CELSR1: variants seen among roughly 807,000 people sequenced by gnomAD.
CELSR1 encodes the protein adhesion G protein-coupled receptor C1.
Under a neutral mutation model 249.1 loss-of-function variants are expected in CELSR1, and 110 were observed. The ratio of observed to expected loss-of-function variants is 0.44; its 90% CI spans 0.38 to 0.52. CELSR1 has a LOEUF of 0.52. Ranked by LOEUF, CELSR1 falls within the 20% of genes least tolerant of loss-of-function variation. The pLI is 0.00. For missense variants in CELSR1, 4,109 were observed against 4,296.4 expected (o/e 0.96, Z 1.22); for synonymous variants, 2,113 against 1,900.0 (o/e 1.11, Z -2.92).
At chr22:46,400,054 G>A (rs1159966689) in intron 9 of CELSR1, 152 bp from the exon 10 acceptor site, 1 of 762,576 alleles carries the variant, frequency 1.3e-6, no homozygotes, top group Non-Finnish European at 2.1e-6. Flanking sequence ...AGTTGGCCAG[G>A]TGCGGTGGCT....
At chr22:46,420,331 C>T (rs2079454082) in intron 5 of CELSR1, among the ~76,000 whole-genome samples, 1 of 151,892 alleles carries the variant, frequency 6.6e-6, no homozygotes, top group South Asian at 2.1e-4. Context: ...CTCACCCACT[C>T]GTGCACTCAT....
At position 46,387,655 on chromosome 22, in the gene CELSR1, G is replaced by A. The variant is rs191893658; in HGVS notation, c.6556-1070C>T. On this transcript the variant is annotated intron_variant, in intron 18 of 34. Coordinates refer to ENST00000674500, the MANE Select transcript of CELSR1 (RefSeq NM_001378328.1). ...ATTACAGGCGTGAGCGACCGCGCCC[G>A]GCCAGAAGTCATTTTTTAATGTGTG... Among the ~76,000 whole-genome samples the A allele has an allele frequency of 9.9e-5, 15 of 152,190 alleles. No homozygotes were observed. In the East Asian group the frequency reaches 2.9e-3, roughly 29 times the overall value.
chr22:46,419,871 G>A (rs1011514858), intron 5 of CELSR1, among the ~76,000 whole-genome samples: 1 of 151,370 alleles, frequency 6.6e-6, no homozygotes, highest in Admixed American at 6.6e-5. Context: ...ACCCACATGT[G>A]CACTCCCACA....
Position 46,437,707 on chromosome 22 carries a change from T to C in CELSR1, c.4407-1418A>G, listed in dbSNP as rs1447963049. Among the ~76,000 whole-genome samples, 3 of 146,422 alleles carry C rather than the reference T, an allele frequency of 2.0e-5. No individual in the cohort carries two copies. Among genetic ancestry groups the C allele is most frequent in the Non-Finnish European group, 3.0e-5 (2 of 67,308 alleles). Reference sequence around the variant, plus strand: ...CGGAAGTTGCAGTGAGCCGAGATCATACCACCACTGCACTCCAGCCTGGCA... The same window carrying C: ...CGGAAGTTGCAGTGAGCCGAGATCACACCACCACTGCACTCCAGCCTGGCA... On this transcript the variant is annotated intron_variant, in intron 3 of 34. Transcript: ENST00000674500. The surrounding 1 kb of genome is among the most constrained non-coding windows in gnomAD (Gnocchi z 4.9).
chr22:46,448,283 G>A lies in CELSR1; in HGVS notation c.4184-8872C>T, dbSNP rs1363351237. ...CAAGCCCAGGGAAGACAGAGGGCAT[G>A]GGGGTGGGGGCAGAGGGCCCACGCG... On this transcript the variant is annotated intron_variant, in intron 2 of 34. Transcript: ENST00000674500. The surrounding 1 kb of genome is among the most constrained non-coding windows in gnomAD (Gnocchi z 5.7). Among the ~76,000 whole-genome samples the A allele has an allele frequency of 6.6e-6, 1 of 152,210 alleles. No homozygotes were observed. Among genetic ancestry groups the A allele is most frequent in the Non-Finnish European group, 1.5e-5 (1 of 68,038 alleles).
In CELSR1 at chr22:46,534,558, C is replaced by G; in HGVS notation, c.2613G>C (p.Gln871His). Residue 871 changes from glutamine (Q) to histidine (H), a missense_variant, in exon 1 of 35, where the codon CAG (glutamine) becomes CAC (histidine). Physicochemically the swap from Gln to His is conservative, Grantham distance 24. Transcript: ENST00000674500. This position sits in a 1 kb window ranked among gnomAD's most constrained non-coding sequence, Gnocchi z 9.7. ...TIMAQDNGIP[Q>H]KSDTTTLEIL... ...TCTCTAGGGTGGTGGTGTCTGATTT[C>G]TGCGGGATGCCGTTGTCCTGGGCCA... 1 of 1,613,724 alleles carries G rather than the reference C, an allele frequency of 6.2e-7. No homozygotes were observed. The highest frequency in any genetic ancestry group is 1.1e-5 in the South Asian group (1 of 91,086).
intron 22 of CELSR1, 58 bp from the exon 23 acceptor site, chr22:46,378,775 G>A: frequency 1.3e-6 from 2 of 1,570,062 alleles, no homozygotes; most frequent in East Asian, 2.3e-5. Context: ...CCATGAGTCT[G>A]TAAAGGGCAG....
chr22:46,368,137 G>A (rs1178035181), intron 27 of CELSR1, among the ~76,000 whole-genome samples: 1 of 152,172 alleles, frequency 6.6e-6, no homozygotes, highest in Non-Finnish European at 1.5e-5. Context: ...CCAGGCCAAG[G>A]GGCCTGAGCC....
intron 2 of CELSR1, among the ~76,000 whole-genome samples, chr22:46,459,558 C>T (rs1437060864): frequency 6.6e-6 from 1 of 152,186 alleles, no homozygotes; most frequent in Non-Finnish European, 1.5e-5. Context: ...GGGTTTGAAT[C>T]CTGACCCCAC....
intron 27 of CELSR1, 24 bp from the exon 28 acceptor site, chr22:46,367,879 T>C (rs528988424): frequency 1.3e-6 from 2 of 1,598,714 alleles, no homozygotes; most frequent in African/African-American, 1.3e-5. Flanking sequence ...GGATCAGGCC[T>C]GTGCCCATCG....
In CELSR1 at chr22:46,484,871, GA is replaced by G. The variant is rs1332138421; in HGVS notation, c.3545-20527del. On this transcript the variant is annotated intron_variant, in intron 1 of 34. Coordinates refer to ENST00000674500, the MANE Select transcript of CELSR1 (RefSeq NM_001378328.1). This position sits in a 1 kb window ranked among gnomAD's most constrained non-coding sequence, Gnocchi z 4.5. ...GGCGAGCAAATCATTTTCTTTGGGG[GA>G]AAAGATCAAATATTGGCCCAGACGT... Among the ~76,000 whole-genome samples the G allele has an allele frequency of 6.6e-6, 1 of 150,806 alleles. No individual in the cohort carries two copies. The highest frequency in any genetic ancestry group is 2.4e-5 in the African/African-American group (1 of 41,026).
In CELSR1 at chr22:46,367,811, G is replaced by A; in HGVS notation, c.7997C>T (p.Ala2666Val). 1.2e-6 allele frequency: 2 copies of A among 1,611,834 alleles called. No individual in the cohort carries two copies. Among genetic ancestry groups the A allele is most frequent in the Non-Finnish European group, 1.7e-6 (2 of 1,179,740 alleles). ...AGCCAGCAGCCCCAGCAGCCAGGTG[G>A]CGCTGATGAGCAGCAGCAGGAGGAA... ...TAFLLLLLISATWLLGLLAVN... is the reference protein window; with the variant it reads ...TAFLLLLLISVTWLLGLLAVN... Residue 2666 changes from alanine (A) to valine (V), a missense_variant, in exon 28 of 35, where the codon GCC (alanine) becomes GTC (valine). This residue lies in a region of CELSR1 where 1,805 missense variants were observed against 1,831.6 expected (regional missense o/e 0.99). Transcript: ENST00000674500.
chr22:46,462,779 G>C (rs542601857), intron 2 of CELSR1: 6 of 337,590 alleles, frequency 1.8e-5, no homozygotes, highest in Non-Finnish European at 3.0e-5. Context: ...GAGAATGTGT[G>C]TTTCTGTACC....
rs12628968 is a variant in CELSR1 at position 46,435,037 on chromosome 22, G to A, written c.4522+1137C>T. ...ACAAAAAAAAAAGTCATGTGTGCCA[G>A]AAAAACACAGATATACCTGTTGGCA... is the stretch of plus-strand genomic sequence containing the variant. On this transcript the variant is annotated intron_variant, in intron 4 of 34. Coordinates refer to ENST00000674500, the MANE Select transcript of CELSR1 (RefSeq NM_001378328.1). Among the ~76,000 whole-genome samples, 384 of 152,012 alleles carry A rather than the reference G, an allele frequency of 2.5e-3. 4 individuals carry two copies. The highest frequency in any genetic ancestry group is 5.6e-3 in the East Asian group (29 of 5,178).
chr22:46,457,452 A>G (rs1192807366), intron 2 of CELSR1, among the ~76,000 whole-genome samples: 1 of 152,140 alleles, frequency 6.6e-6, no homozygotes, highest in Non-Finnish European at 1.5e-5. Context: ...CGCACACAGG[A>G]GGGGCACCCA....
intron 1 of CELSR1, among the ~76,000 whole-genome samples, chr22:46,522,131 A>G (rs1459349117): frequency 6.6e-6 from 1 of 152,078 alleles, no homozygotes; most frequent in Non-Finnish European, 1.5e-5. Flanking sequence ...GCCCTGCAAA[A>G]GCGTGTATGT....
chr22:46,425,863 GATT>G (rs545058964), intron 5 of CELSR1, among the ~76,000 whole-genome samples: 13 of 152,268 alleles, frequency 8.5e-5, no homozygotes, highest in African/African-American at 2.9e-4. Context: ...CAGAAGCTCA[GATT>G]ATTGATTTGA....
chr22:46,515,258 C>A (rs1376977378), intron 1 of CELSR1, among the ~76,000 whole-genome samples: 1 of 152,224 alleles, frequency 6.6e-6, no homozygotes, highest in Non-Finnish European at 1.5e-5. Context: ...GGCAAGTGAC[C>A]CCCACCTGGG....
chr22:46,386,989 C>G (rs899630210), intron 18 of CELSR1, among the ~76,000 whole-genome samples: 1 of 152,134 alleles, frequency 6.6e-6, no homozygotes, highest in African/African-American at 2.4e-5. Context: ...AACTCCTGAC[C>G]TCAGGTGATT....
Sources: gnomAD v4.1 joint callset for allele counts (sites outside exome capture counted in the v4.1 genomes callset) on GRCh38, gnomAD v4.1.1 for gene constraint, gnomAD v4.1.1 regional missense constraint, Gnocchi (gnomAD v3.1) non-coding constraint, MANE v1.5 for transcripts, NCBI Gene and HGNC (gene_info 2026-07-23, HGNC 2026-07-21) for gene names.